The following MCM3 variants were observed in gnomAD, a reference collection of about 807,000 sequenced individuals.
MCM3 encodes the protein minichromosome maintenance complex component 3.
Under a neutral mutation model 91.3 loss-of-function variants are expected in MCM3, and 59 were observed. The ratio of observed to expected loss-of-function variants is 0.65; its 90% CI spans 0.52 to 0.80. The LOEUF (loss-of-function observed/expected upper bound fraction) is 0.80, where lower values mean the gene tolerates loss of function less well. MCM3 is among the 30% of genes least tolerant of loss of function. The pLI, the probability that MCM3 is intolerant of heterozygous loss-of-function variation, is 0.00. For missense variants in MCM3, 919 were observed against 1,035.4 expected (o/e 0.89, Z 1.54); for synonymous variants, 383 against 379.6 (o/e 1.01, Z -0.10).
intron 14 of MCM3, 124 bp downstream of exon 14, chr6:52,267,741 G>A: frequency 1.5e-6 from 1 of 675,292 alleles, no homozygotes; most frequent in Non-Finnish European, 2.7e-6. Flanking sequence ...TCCCAGGCTG[G>A]TCTCAAACTC....
intron 16 of MCM3, 32 bp from the exon 17 acceptor site, chr6:52,264,818 G>A: frequency 6.3e-7 from 1 of 1,597,742 alleles, no homozygotes; most frequent in East Asian, 2.2e-5. Flanking sequence ...GGGAAGAGGA[G>A]TAAACAAACC....
At chr6:52,266,209 C>A in intron 15 of MCM3, 65 bp from the exon 16 acceptor site, 3 of 1,207,630 alleles carry the variant, frequency 2.5e-6, no homozygotes, top group Non-Finnish European at 3.7e-6. Flanking sequence ...TCCACAAACA[C>A]TAGAGAAATC....
At chr6:52,269,012 C>A in intron 13 of MCM3, 74 bp downstream of exon 13, 3 of 1,487,394 alleles carry the variant, frequency 2.0e-6, no homozygotes, top group Non-Finnish European at 1.8e-6. Flanking sequence ...CCGTCAGCCA[C>A]GGAAGGCTGG....
In MCM3 at chr6:52,267,939, C is replaced by T. The variant is rs1764779187; in HGVS notation, c.1998G>A (p.Lys666=). Residue 666 remains lysine, a synonymous_variant, in exon 14 of 17, where the codon AAG becomes AAA. Coordinates refer to ENST00000596288, the MANE Select transcript of MCM3 (RefSeq NM_002388.6). ...KVLEKEKKRK[K]RSEDESETED... ...CTGTCTCTGATTCATCCTCACTTCG[C>T]TTCTTACGTTTCTTCTCCTTCTCCA... 3.7e-6 allele frequency: 6 copies of T among 1,604,494 alleles called. No individual in the cohort carries two copies. The highest frequency in any genetic ancestry group is 4.3e-6 in the Non-Finnish European group (5 of 1,171,270).
chr6:52,265,251 T>C, intron 16 of MCM3: 1 of 426,192 alleles, frequency 2.3e-6, no homozygotes, highest in East Asian at 7.5e-5. Flanking sequence ...AACCCTGCAG[T>C]CATTAAAAAG....
chr6:52,265,958 A>G (rs993447549), intron 16 of MCM3, 117 bp downstream of exon 16: 2 of 731,076 alleles, frequency 2.7e-6, no homozygotes, highest in South Asian at 1.8e-5. Flanking sequence ...GCAGGCCTCT[A>G]GTTTTGAGTT....
chr6:52,268,478 G>A (rs953545344), intron 13 of MCM3, among the ~76,000 whole-genome samples: 1 of 152,142 alleles, frequency 6.6e-6, no homozygotes, highest in Admixed American at 6.5e-5. Context: ...AAAAAGCAAG[G>A]AAGAGTTTAT....
At chr6:52,265,693 A>G (rs1764589842) in intron 16 of MCM3, among the ~76,000 whole-genome samples, 1 of 152,214 alleles carries the variant, frequency 6.6e-6, no homozygotes, top group African/African-American at 2.4e-5. Context: ...AATGTTTCCT[A>G]AAACCCTGGT....
intron 13 of MCM3, among the ~76,000 whole-genome samples, chr6:52,268,561 A>T (rs1265054171): frequency 6.6e-6 from 1 of 152,148 alleles, no homozygotes; most frequent in Non-Finnish European, 1.5e-5. Flanking sequence ...AGGAAAAGGG[A>T]GTCTAGGCTT....
At chr6:52,266,772 T>C (rs1764675988) in intron 14 of MCM3, 76 bp from the exon 15 acceptor site, 14 of 1,093,306 alleles carry the variant, frequency 1.3e-5, no homozygotes, top group Admixed American at 1.0e-4. Flanking sequence ...CACGTGCCTC[T>C]AACTACGGAG....
chr6:52,277,679 CAA>C lies in MCM3; in HGVS notation c.887_888del (p.Phe296Ter). 1 of 1,613,650 alleles carries C rather than the reference CAA, an allele frequency of 6.2e-7. No homozygotes were observed. ...KFSKTRSKDI[F>X]DQLAKSLAPS... ...GGGGCCAATGACTTGGCCAGCTGGTCAAAGATATCCTACAGGAGAAATAACCA... is the reference window on the plus strand; with the variant it reads ...GGGGCCAATGACTTGGCCAGCTGGTCAGATATCCTACAGGAGAAATAACCA... On this transcript the variant is annotated frameshift_variant, in exon 7 of 17. Coordinates refer to ENST00000596288, the MANE Select transcript of MCM3 (RefSeq NM_002388.6). LOFTEE classifies it high-confidence loss of function.
intron 13 of MCM3, among the ~76,000 whole-genome samples, 194 bp from the exon 14 acceptor site, chr6:52,268,162 T>C: frequency 6.6e-6 from 1 of 152,226 alleles, no homozygotes; most frequent in East Asian, 1.9e-4. Flanking sequence ...TTCAAAATGC[T>C]GGGAAGTATG....
Position 52,284,682 on chromosome 6 carries a change from G to T in MCM3, c.-8C>A. 1 of 1,605,892 alleles carries T rather than the reference G, an allele frequency of 6.2e-7. No homozygotes were observed. The highest frequency in any genetic ancestry group is 1.1e-5 in the South Asian group (1 of 89,598). ...CACCACGGTACCCGCCATGCCCGCT[G>T]CCAAAGAACTACCTCCACCAAAGTC... On this transcript the variant is annotated 5_prime_UTR_variant, in exon 1 of 17. Coordinates refer to ENST00000596288, the MANE Select transcript of MCM3 (RefSeq NM_002388.6).
chr6:52,270,889 A>C (rs1252523259), intron 12 of MCM3, among the ~76,000 whole-genome samples: 1 of 152,230 alleles, frequency 6.6e-6, no homozygotes, highest in Non-Finnish European at 1.5e-5. Flanking sequence ...CTAAAATTTC[A>C]AAACAGTGAT....
intron 4 of MCM3, among the ~76,000 whole-genome samples, chr6:52,281,670 C>T (rs1475057672): frequency 3.3e-5 from 5 of 151,416 alleles, no homozygotes; most frequent in Non-Finnish European, 7.4e-5. Context: ...AGACAGATCC[C>T]GTCTCTAAAA....
intron 2 of MCM3, 49 bp downstream of exon 2, chr6:52,283,245 G>T: frequency 6.7e-7 from 1 of 1,487,232 alleles, no homozygotes; most frequent in Non-Finnish European, 9.4e-7. Flanking sequence ...TGGCCAAGAG[G>T]GAAGGGAGCC....
intron 1 of MCM3, 98 bp from the exon 2 acceptor site, chr6:52,283,504 T>C (rs1766342721): frequency 4.8e-6 from 4 of 829,564 alleles, no homozygotes; most frequent in Non-Finnish European, 8.4e-6. Flanking sequence ...AGTCAATCTC[T>C]GCAGCAGAGC....
At chr6:52,284,540 G>A in intron 1 of MCM3, 57 bp downstream of exon 1, 3 of 1,511,410 alleles carry the variant, frequency 2.0e-6, no homozygotes, top group Admixed American at 2.0e-5. Flanking sequence ...CTTCCCGGCC[G>A]GGCCGCGTCC....
intron 16 of MCM3, 24 bp from the exon 17 acceptor site, chr6:52,264,810 G>A (rs1764516164): frequency 6.2e-7 from 1 of 1,609,448 alleles, no homozygotes; most frequent in East Asian, 2.2e-5. Flanking sequence ...AAGAAAGGGG[G>A]AAGAGGAGTA....
Sources: gnomAD v4.1 joint callset for allele counts (sites outside exome capture counted in the v4.1 genomes callset) on GRCh38, gnomAD v4.1.1 for gene constraint, MANE v1.5 for transcripts, NCBI Gene and HGNC (gene_info 2026-07-23, HGNC 2026-07-21) for gene names.